Variants in FGF12 observed in about 807,000 individuals in gnomAD.
FGF12 encodes the protein fibroblast growth factor 12.
Under a neutral mutation model 23.6 loss-of-function variants are expected in FGF12, and 14 were observed. The ratio of observed to expected loss-of-function variants is 0.59; its 90% CI spans 0.39 to 0.93. The LOEUF (loss-of-function observed/expected upper bound fraction) is 0.93. Among genes scored for constraint, FGF12 ranks in the 40% least tolerant of loss-of-function variants. The pLI is 0.00. For synonymous variants in FGF12, 62 were observed against 77.3 expected, an observed-to-expected ratio of 0.80 and a Z score of 1.04; for missense variants, 175 against 217.8, an observed-to-expected ratio of 0.80 and a Z score of 1.24.
At chr3:192,315,332 C>T (rs916702970) in intron 4 of FGF12, among the ~76,000 whole-genome samples, 38 of 152,174 alleles carry the variant, frequency 2.5e-4, no homozygotes, top group African/African-American at 9.2e-4. Flanking sequence ...TCTCTACAGA[C>T]TTGTTCATAA....
At chr3:192,212,209 G>T (rs1717965521) in intron 4 of FGF12, among the ~76,000 whole-genome samples, 2 of 152,166 alleles carry the variant, frequency 1.3e-5, no homozygotes, top group African/African-American at 4.8e-5. Context: ...TTGTTGCCAT[G>T]ATTAACAGTT....
Position 192,409,106 on chromosome 3 carries a change from T to G in FGF12, c.14-48568A>C. ...GGGCGCGAGGGAGGGAGGGAGATCC[T>G]CGAGGGCCAAGCACCCCTCGGGGAG... On this transcript the variant is annotated intron_variant, in intron 2 of 5. Coordinates refer to ENST00000445105, the MANE Select transcript of FGF12 (RefSeq NM_004113.6). The surrounding 1 kb of genome is among the most constrained non-coding windows in gnomAD (Gnocchi z 4.8). 1 of 394,460 alleles carries G rather than the reference T, an allele frequency of 2.5e-6. No individual in the cohort carries two copies. The highest frequency in any genetic ancestry group is 3.4e-6 in the Non-Finnish European group (1 of 290,046). 24.4% of individuals were successfully genotyped at this position (394,460 alleles called of 1,614,324 possible). A position where few individuals can be genotyped will look rare whatever the true frequency, so the allele number is the denominator to read the frequency against.
At chr3:192,582,093 G>A (rs1209899358) in intron 2 of FGF12, among the ~76,000 whole-genome samples, 1 of 152,150 alleles carries the variant, frequency 6.6e-6, no homozygotes, top group Non-Finnish European at 1.5e-5. Context: ...TAGCTGTACA[G>A]ATGTTAACCT....
Position 192,680,421 on chromosome 3 carries a change from A to C in FGF12, c.13+46760T>G, listed in dbSNP as rs560330220. Among the ~76,000 whole-genome samples the C allele has an allele frequency of 1.8e-4, 27 of 152,340 alleles. No individual in the cohort carries two copies. The South Asian group carries it at 5.6e-3, about 32-fold the overall frequency. On this transcript the variant is annotated intron_variant, in intron 2 of 5. Transcript: ENST00000445105. ...ACCCAACGGACTCCAGCAGGAAAGCAGGTGGTGGTGGCCTTCGGTTGGGAG... is the reference window on the plus strand; with the variant it reads ...ACCCAACGGACTCCAGCAGGAAAGCCGGTGGTGGTGGCCTTCGGTTGGGAG...
intron 2 of FGF12, among the ~76,000 whole-genome samples, chr3:192,551,351 C>T (rs981198034): frequency 2.0e-5 from 3 of 152,170 alleles, no homozygotes; most frequent in Admixed American, 6.5e-5. Flanking sequence ...GAGAAAGCTT[C>T]GCAGACTAGG....
intron 4 of FGF12, among the ~76,000 whole-genome samples, chr3:192,264,870 G>A (rs981900684): frequency 1.3e-5 from 2 of 152,066 alleles, no homozygotes; most frequent in African/African-American, 4.8e-5. Flanking sequence ...ACCGTCTGAT[G>A]CCAAGTGCTT....
In FGF12 at chr3:192,360,842, G is replaced by A. The variant is rs2108732936; in HGVS notation, c.14-304C>T. The A allele has an allele frequency of 2.9e-6, 1 of 346,798 alleles. No homozygotes were observed. Among genetic ancestry groups the A allele is most frequent in the Non-Finnish European group, 5.5e-6 (1 of 183,466 alleles). 21.5% of individuals were successfully genotyped at this position (346,798 alleles called of 1,614,324 possible). On this transcript the variant is annotated intron_variant, in intron 2 of 5. Transcript: ENST00000445105. The surrounding 1 kb of genome is among the most constrained non-coding windows in gnomAD (Gnocchi z 4.3). ...TCCTTTGTGCATCTGGTGTCTGACTGCAAGATTTCACCAACTTTATAGTCC... is the reference window on the plus strand; with the variant it reads ...TCCTTTGTGCATCTGGTGTCTGACTACAAGATTTCACCAACTTTATAGTCC...
chr3:192,682,813 G>T (rs1577118934), intron 2 of FGF12, among the ~76,000 whole-genome samples: 1 of 152,294 alleles, frequency 6.6e-6, no homozygotes, highest in South Asian at 2.1e-4. Context: ...GGGTCAGAAG[G>T]AGAGGGAAGT....
In FGF12 at chr3:192,525,713, T is replaced by A. The variant is rs964021902; in HGVS notation, c.14-165175A>T. On this transcript the variant is annotated intron_variant, in intron 2 of 5. Coordinates refer to ENST00000445105, the MANE Select transcript of FGF12 (RefSeq NM_004113.6). ...TACATAAAACCTACGATGATTTGCT[T>A]GTCTTCTTTTATCTCCGTACATGAA... Among the ~76,000 whole-genome samples the A allele has an allele frequency of 2.0e-5, 3 of 152,214 alleles. No homozygotes were observed. In the East Asian group the frequency reaches 5.8e-4, roughly 29 times the overall value.
intron 3 of FGF12, among the ~76,000 whole-genome samples, chr3:192,343,054 A>T (rs1218976203): frequency 6.6e-6 from 1 of 152,090 alleles, no homozygotes; most frequent in East Asian, 1.9e-4. Context: ...CTCATTACAA[A>T]TTGTCTTTGG....
chr3:192,183,451 A>G (rs1411239183), intron 4 of FGF12, among the ~76,000 whole-genome samples: 1 of 152,204 alleles, frequency 6.6e-6, no homozygotes, highest in African/African-American at 2.4e-5. Flanking sequence ...CTTTGCTGCA[A>G]TGCTTCTTGC....
intron 2 of FGF12, among the ~76,000 whole-genome samples, chr3:192,609,079 C>A (rs1714453019): frequency 6.6e-6 from 1 of 152,060 alleles, no homozygotes; most frequent in African/African-American, 2.4e-5. Flanking sequence ...TCTCTTCTTC[C>A]TCTAGATTCT....
At chr3:192,644,752 A>G (rs1715938338) in intron 2 of FGF12, among the ~76,000 whole-genome samples, 1 of 152,132 alleles carries the variant, frequency 6.6e-6, no homozygotes. Context: ...TCTGAAGCCT[A>G]CGTCAGCAGA....
At chr3:192,345,390 C>A (rs1717904286) in intron 3 of FGF12, among the ~76,000 whole-genome samples, 2 of 152,194 alleles carry the variant, frequency 1.3e-5, no homozygotes, top group East Asian at 1.9e-4. Flanking sequence ...TATTGTTGCT[C>A]TTAAGATATA....
intron 2 of FGF12, among the ~76,000 whole-genome samples, chr3:192,434,445 A>G (rs1369392007): frequency 5.3e-5 from 8 of 152,196 alleles, no homozygotes; most frequent in Non-Finnish European, 4.4e-5. Context: ...TGCTGCCTTC[A>G]CACTTTTTAC....
chr3:192,593,631 T>A (rs564027635), intron 2 of FGF12, among the ~76,000 whole-genome samples: 1 of 152,072 alleles, frequency 6.6e-6, no homozygotes, highest in Non-Finnish European at 1.5e-5. Flanking sequence ...ATTAGCAAAG[T>A]CAATCTTTGG....
intron 2 of FGF12, among the ~76,000 whole-genome samples, chr3:192,596,749 A>T (rs1713872583): frequency 1.3e-5 from 2 of 152,198 alleles, no homozygotes; most frequent in South Asian, 2.1e-4. Context: ...TACAGAAAGC[A>T]TCTATTTTAC....
chr3:192,337,976 T>C (rs537653229), intron 3 of FGF12, among the ~76,000 whole-genome samples: 1 of 152,318 alleles, frequency 6.6e-6, no homozygotes, highest in South Asian at 2.1e-4. Flanking sequence ...TCCTCAACCA[T>C]AAATGCTATG....
intron 2 of FGF12, among the ~76,000 whole-genome samples, chr3:192,506,667 C>A (rs1379215620): frequency 6.6e-6 from 1 of 152,106 alleles, no homozygotes; most frequent in Non-Finnish European, 1.5e-5. Flanking sequence ...CCACCGAGCC[C>A]GGCTAACATA....
Sources: allele counts gnomAD v4.1 joint callset (sites outside exome capture counted in the v4.1 genomes callset), GRCh38; gene constraint gnomAD v4.1.1; non-coding constraint Gnocchi (gnomAD v3.1); transcripts MANE v1.5; gene names NCBI Gene and HGNC (gene_info 2026-07-23, HGNC 2026-07-21).